The following DSCAML1 variants were observed in gnomAD, a reference collection of about 807,000 sequenced individuals.
DSCAML1 encodes the protein DS cell adhesion molecule like 1.
A neutral mutation model predicts 200.5 loss-of-function variants in DSCAML1; 38 were observed. That is an observed-to-expected ratio of 0.19 (90% CI 0.15 to 0.25). The LOEUF is 0.25. DSCAML1 is among the 10% of genes least tolerant of loss of function. The pLI is 1.00. For missense variants in DSCAML1, 2,223 were observed against 2,858.8 expected, an observed-to-expected ratio of 0.78 and a Z score of 5.07; for synonymous variants, 1,215 against 1,165.0, an observed-to-expected ratio of 1.04 and a Z score of -0.87.
intron 3 of DSCAML1, among the ~76,000 whole-genome samples, chr11:117,603,504 C>T (rs2051505522): frequency 6.6e-6 from 1 of 152,196 alleles, no homozygotes; most frequent in South Asian, 2.1e-4. Flanking sequence ...ACTACCTATG[C>T]CAAAGTTTGC....
chr11:117,536,478 C>T (rs1440406763), intron 3 of DSCAML1, among the ~76,000 whole-genome samples: 1 of 152,170 alleles, frequency 6.6e-6, no homozygotes, highest in African/African-American at 2.4e-5. Context: ...GCAGCCAGTA[C>T]CTCCGGGTCC....
chr11:117,431,478 G>T, intron 31 of DSCAML1, 56 bp downstream of exon 31: 2 of 1,448,528 alleles, frequency 1.4e-6, no homozygotes, highest in Non-Finnish European at 9.3e-7. Flanking sequence ...AGGTGAAGGT[G>T]AATGATGGGG....
At chr11:117,588,860 T>G (rs898225796) in intron 3 of DSCAML1, among the ~76,000 whole-genome samples, 14 of 152,286 alleles carry the variant, frequency 9.2e-5, no homozygotes, top group African/African-American at 3.1e-4. Context: ...CCCTTTTCTC[T>G]TCCTCTTCTT....
chr11:117,730,836 A>G (rs1336517900), intron 3 of DSCAML1, among the ~76,000 whole-genome samples: 1 of 152,230 alleles, frequency 6.6e-6, no homozygotes, highest in Non-Finnish European at 1.5e-5. Flanking sequence ...GATAAATCAA[A>G]TGTGGATTCA....
intron 8 of DSCAML1, among the ~76,000 whole-genome samples, chr11:117,511,024 C>T (rs571207626): frequency 6.6e-6 from 1 of 152,324 alleles, no homozygotes; most frequent in African/African-American, 2.4e-5. Flanking sequence ...GGCCAGGTGG[C>T]TGACTCTCCC....
chr11:117,519,881 A>T (rs1304613658), intron 6 of DSCAML1, among the ~76,000 whole-genome samples: 1 of 152,194 alleles, frequency 6.6e-6, no homozygotes, highest in Non-Finnish European at 1.5e-5. Flanking sequence ...GGGGTGAGGA[A>T]TGAGGGCTTA....
chr11:117,817,191 G>A (rs1005394073), intron 1 of DSCAML1, among the ~76,000 whole-genome samples: 3 of 152,190 alleles, frequency 2.0e-5, no homozygotes, highest in Admixed American at 1.3e-4. Context: ...AGGACTCAGC[G>A]GACTTAGCAG....
chr11:117,808,142 C>T (rs1001484628), intron 1 of DSCAML1, among the ~76,000 whole-genome samples: 1 of 152,192 alleles, frequency 6.6e-6, no homozygotes, highest in Non-Finnish European at 1.5e-5. Context: ...AGTATGCTCA[C>T]ATGAAGATAC....
intron 3 of DSCAML1, among the ~76,000 whole-genome samples, chr11:117,682,253 C>A (rs1404402135): frequency 6.6e-6 from 1 of 152,166 alleles, no homozygotes; most frequent in African/African-American, 2.4e-5. Flanking sequence ...AATGAGGCCA[C>A]CCGTCTGGCC....
chr11:117,769,547 TTTATATATATA>T (rs1353799886), intron 3 of DSCAML1, among the ~76,000 whole-genome samples: 3 of 2,740 alleles, frequency 1.1e-3, no homozygotes, highest in Non-Finnish European at 3.4e-3. Flanking sequence ...TATTATATAT[TTTATATATATA>T]TTTTATATAT....
chr11:117,584,836 C>T (rs1049041634), intron 3 of DSCAML1, among the ~76,000 whole-genome samples: 4 of 152,180 alleles, frequency 2.6e-5, no homozygotes, highest in African/African-American at 9.7e-5. Context: ...GACTCAGTCT[C>T]CTTTTCTGTA....
chr11:117,714,735 T>C (rs780054809), intron 3 of DSCAML1, among the ~76,000 whole-genome samples: 7 of 150,470 alleles, frequency 4.7e-5, no homozygotes, highest in African/African-American at 7.4e-5. Flanking sequence ...GGCAGGAGAA[T>C]TGCTTGAACC....
intron 3 of DSCAML1, among the ~76,000 whole-genome samples, chr11:117,670,147 C>T (rs1046031139): frequency 1.3e-5 from 2 of 152,110 alleles, no homozygotes; most frequent in African/African-American, 2.4e-5. Flanking sequence ...TGTGGGGGCA[C>T]CTAGGCCTTT....
intron 4 of DSCAML1, among the ~76,000 whole-genome samples, chr11:117,531,619 C>T (rs2050077734): frequency 6.6e-6 from 1 of 152,290 alleles, no homozygotes; most frequent in African/African-American, 2.4e-5. Flanking sequence ...CGCAGTGGCA[C>T]ATACCTGCAA....
At chr11:117,650,700 T>TGTGTGTGTGTGTGCGC (rs147584706) in intron 3 of DSCAML1, among the ~76,000 whole-genome samples, 93 of 147,456 alleles carry the variant, frequency 6.3e-4, no homozygotes, top group South Asian at 2.8e-3. Context: ...TGTGTGTGTG[T>TGTGTGTGTGTGTGCGC]GCGTGTGTGT....
At chr11:117,678,977 C>T (rs866286993) in intron 3 of DSCAML1, among the ~76,000 whole-genome samples, 1 of 152,232 alleles carries the variant, frequency 6.6e-6, no homozygotes, top group South Asian at 2.1e-4. Flanking sequence ...CAGGTTCAAG[C>T]GGAGAACATC....
At chr11:117,778,696 A>G (rs1219024052) in intron 2 of DSCAML1, among the ~76,000 whole-genome samples, 2 of 152,238 alleles carry the variant, frequency 1.3e-5, no homozygotes, top group African/African-American at 4.8e-5. Flanking sequence ...GTATAGACTT[A>G]CTGTGAAAAC....
At chr11:117,670,886 G>A (rs370559181) in intron 3 of DSCAML1, among the ~76,000 whole-genome samples, 3 of 152,158 alleles carry the variant, frequency 2.0e-5, no homozygotes, top group Non-Finnish European at 2.9e-5. Context: ...TCCTGGGCAC[G>A]CAATAACTTG....
At chr11:117,611,118 C>T (rs1229757752) in intron 3 of DSCAML1, 2 of 152,324 alleles carry the variant, frequency 1.3e-5, no homozygotes, top group Non-Finnish European at 1.5e-5. Flanking sequence ...GTGTTCTGGC[C>T]CAGCCTACCT....
Sources: gnomAD v4.1 joint callset for allele counts (sites outside exome capture counted in the v4.1 genomes callset) on GRCh38, gnomAD v4.1.1 for gene constraint, MANE v1.5 for transcripts, NCBI Gene and HGNC (gene_info 2026-07-23, HGNC 2026-07-21) for gene names.